The following FIGNL2 variants were observed in gnomAD, a reference collection of about 807,000 sequenced individuals.
The protein encoded by FIGNL2 is fidgetin-like protein 2.
For synonymous variants in FIGNL2, 565 were observed against 484.0 expected (o/e 1.17, Z -2.20); for missense variants, 1,060 against 950.2 (o/e 1.12, Z -1.52).
intron 1 of FIGNL2, among the ~76,000 whole-genome samples, chr12:51,842,310 G>A (rs79714484): frequency 0.012 from 1,808 of 152,288 alleles, 39 homozygotes; most frequent in African/African-American, 0.042. Context: ...CTTCCTAGAG[G>A]AGTGAGGACC....
rs774724849 is a variant in FIGNL2 at position 51,822,438 on chromosome 12, A to T, written c.-11-14T>A. On this transcript the variant is annotated splice_polypyrimidine_tract_variant and intron_variant, in intron 1 of 1. Transcript: ENST00000618634. ...TCTTCAACAGAGCTGCGGGCAAGAG[A>T]CAGGAGGTCTGGTGAGGTCTAGCCA... is the stretch of plus-strand genomic sequence containing the variant. 9 of 1,612,192 alleles carry T rather than the reference A, an allele frequency of 5.6e-6. No individual in the cohort carries two copies. The highest frequency in any genetic ancestry group is 5.9e-6 in the Non-Finnish European group (7 of 1,179,454).
intron 1 of FIGNL2, among the ~76,000 whole-genome samples, chr12:51,839,804 T>C (rs1291376325): frequency 6.6e-6 from 1 of 152,180 alleles, no homozygotes; most frequent in African/African-American, 2.4e-5. Flanking sequence ...CCAGCCCCTG[T>C]CTGTGAGCCC....
In FIGNL2 at chr12:51,820,201, G is replaced by C; in HGVS notation, c.*251C>G. 2.0e-6 allele frequency: 1 copy of C among 506,738 alleles called. No individual in the cohort carries two copies. The highest frequency in any genetic ancestry group is 3.5e-6 in the Non-Finnish European group (1 of 289,320). The allele number at this position is 506,738 out of a possible 1,614,324, so 31.4% of individuals were successfully genotyped here. A position where few individuals can be genotyped will look rare whatever the true frequency, so the allele number is the denominator to read the frequency against. ...CATGCCGGATCTGCCCGGTCTGCCG[G>C]GCGGAGATGGCGAGCTTCCAGTCCA... On this transcript the variant is annotated 3_prime_UTR_variant, in exon 2 of 2. Coordinates refer to ENST00000618634, the MANE Select transcript of FIGNL2 (RefSeq NM_001384995.1).
chr12:51,845,752 C>A, intron 1 of FIGNL2: 1 of 776,032 alleles, frequency 1.3e-6, no homozygotes, highest in Non-Finnish European at 1.6e-6. Context: ...CCTAAGGGTC[C>A]AGCAATGGCA....
At position 51,821,512 on chromosome 12, in the gene FIGNL2, T is replaced by C; in HGVS notation, c.902A>G (p.Asn301Ser). 1 of 1,562,100 alleles carries C rather than the reference T, an allele frequency of 6.4e-7. No individual in the cohort carries two copies. The highest frequency in any genetic ancestry group is 8.6e-7 in the Non-Finnish European group (1 of 1,163,062). The change falls in exon 2 of 2, where the codon AAC becomes AGC. Residue 301 changes from asparagine to serine, a missense_variant. Physicochemically the swap from Asn to Ser is conservative, Grantham distance 46 (BLOSUM62 1). Transcript: ENST00000618634. ...GAACCCGTTGCCCCGACATTCGCCG[T>C]TGTCCGCGGCGGGGTAGGAGGCTCC... The part of the protein sequence containing the change: ...ADGASYPAAD[N>S]GECRGNGFRA...
chr12:51,847,628 C>G (rs1939780136), intron 1 of FIGNL2: 2 of 985,234 alleles, frequency 2.0e-6, no homozygotes, highest in Non-Finnish European at 1.2e-6. Context: ...GCCGCGCGCT[C>G]TCTGCCCCGC....
At chr12:51,837,041 A>C (rs1177451419) in intron 1 of FIGNL2, among the ~76,000 whole-genome samples, 1 of 152,088 alleles carries the variant, frequency 6.6e-6, no homozygotes, top group Non-Finnish European at 1.5e-5. Flanking sequence ...TGAACCGCTC[A>C]ACCTGCAACT....
At chr12:51,848,152 G>C in intron 1 of FIGNL2, 1 of 983,978 alleles carries the variant, frequency 1.0e-6, no homozygotes, top group Non-Finnish European at 1.2e-6. Context: ...GCCGGCCCTC[G>C]GGCTCCGGAC....
intron 1 of FIGNL2, chr12:51,847,324 G>T (rs772182658): frequency 1.0e-6 from 1 of 985,334 alleles, no homozygotes; most frequent in Admixed American, 6.1e-5. Flanking sequence ...AGGCCCCACG[G>T]CCCAGGAACC....
intron 1 of FIGNL2, among the ~76,000 whole-genome samples, chr12:51,832,092 C>A (rs545987869): frequency 3.9e-5 from 6 of 152,308 alleles, no homozygotes; most frequent in African/African-American, 1.4e-4. Flanking sequence ...TCTTGCCTCG[C>A]TGCAACCTCT....
At position 51,822,274 on chromosome 12, in the gene FIGNL2, G is replaced by A. The variant is rs751056628; in HGVS notation, c.140C>T (p.Ala47Val). 2 of 1,611,558 alleles carry A rather than the reference G, an allele frequency of 1.2e-6. No homozygotes were observed. The highest frequency in any genetic ancestry group is 8.5e-7 in the Non-Finnish European group (1 of 1,178,974). Residue 47 changes from alanine (A) to valine (V), a missense_variant, in exon 2 of 2, where the codon GCA becomes GTA. Physicochemically the swap from Ala to Val is moderately conservative, Grantham distance 64. Transcript: ENST00000618634. ...AGTGAGGGCTGAGATGTCGTCGTGT[G>A]CCCAAGCGTAGTGGCAGCGTTGGCG... ...GGRQRCHYAW[A>V]HDDISALTAS...
intron 1 of FIGNL2, among the ~76,000 whole-genome samples, chr12:51,846,100 C>T (rs1218687343): frequency 6.6e-6 from 1 of 152,228 alleles, no homozygotes; most frequent in Non-Finnish European, 1.5e-5. Context: ...TACAAAACCC[C>T]TTTTATTCAG....
intron 1 of FIGNL2, chr12:51,844,882 G>A (rs1939718887): frequency 4.1e-6 from 4 of 985,180 alleles, no homozygotes; most frequent in Non-Finnish European, 3.6e-6. Flanking sequence ...TGGTTCTGGC[G>A]GTCCTACTGC....
intron 1 of FIGNL2, among the ~76,000 whole-genome samples, chr12:51,840,463 C>T (rs1161291904): frequency 3.3e-5 from 5 of 152,196 alleles, no homozygotes; most frequent in South Asian, 2.1e-4. Context: ...TGGCCAGGCA[C>T]GGTGGTTCAC....
At position 51,821,333 on chromosome 12, in the gene FIGNL2, C is replaced by G; in HGVS notation, c.1081G>C (p.Val361Leu). 1 of 1,500,794 alleles carries G rather than the reference C, an allele frequency of 6.7e-7. No individual in the cohort carries two copies. Among genetic ancestry groups the G allele is most frequent in the Non-Finnish European group, 8.8e-7 (1 of 1,130,274 alleles). The allele number at this position is 1,500,794 out of a possible 1,614,324, so 93.0% of individuals were successfully genotyped here. Residue 361 changes from valine (V) to leucine (L), a missense_variant, in exon 2 of 2, where the codon GTG becomes CTG. Physicochemically the swap from Val to Leu is conservative, Grantham distance 32. Coordinates refer to ENST00000618634, the MANE Select transcript of FIGNL2 (RefSeq NM_001384995.1). ...RAPAPRGGFA[V>L]PSGETPKGVD... Reference sequence around the variant, plus strand: ...CCTTTGGGAGTCTCCCCCGACGGCACGGCGAACCCCCCACGAGGAGCCGGG... The same window carrying G: ...CCTTTGGGAGTCTCCCCCGACGGCAGGGCGAACCCCCCACGAGGAGCCGGG...
intron 1 of FIGNL2, among the ~76,000 whole-genome samples, chr12:51,828,693 G>A (rs1939393433): frequency 1.3e-5 from 2 of 152,162 alleles, no homozygotes; most frequent in Non-Finnish European, 2.9e-5. Flanking sequence ...TCCATGCACA[G>A]GGCCTGATGC....
intron 1 of FIGNL2, among the ~76,000 whole-genome samples, chr12:51,832,934 C>A (rs897946437): frequency 6.6e-6 from 1 of 152,234 alleles, no homozygotes; most frequent in African/African-American, 2.4e-5. Flanking sequence ...AGAAACCTTG[C>A]GGTCATCCTT....
chr12:51,822,134 C>G lies in FIGNL2; in HGVS notation c.280G>C (p.Gly94Arg), dbSNP rs768747527. The part of the protein sequence containing the change: ...SDASFLNGAK[G>R]DPEPWPGPEP... ...GGCCCTGGCCAGGGCTCGGGATCCC[C>G]TTTGGCGCCGTTGAGGAAGGAGGCG... The change falls in exon 2 of 2, where the codon GGG becomes CGG. Residue 94 changes from glycine to arginine, a missense_variant. Gly to Arg is a moderately radical substitution (Grantham distance 125). Coordinates refer to ENST00000618634, the MANE Select transcript of FIGNL2 (RefSeq NM_001384995.1). The G allele has an allele frequency of 1.2e-6, 2 of 1,611,126 alleles. No individual in the cohort carries two copies. The highest frequency in any genetic ancestry group is 1.1e-5 in the South Asian group (1 of 90,490).
At position 51,820,297 on chromosome 12, in the gene FIGNL2, G is replaced by C; in HGVS notation, c.*155C>G. 1 of 917,272 alleles carries C rather than the reference G, an allele frequency of 1.1e-6. No individual in the cohort carries two copies. Among genetic ancestry groups the C allele is most frequent in the Non-Finnish European group, 1.5e-6 (1 of 658,816 alleles). 56.8% of individuals were successfully genotyped at this position (917,272 alleles called of 1,614,324 possible). A position where few individuals can be genotyped will look rare whatever the true frequency, so the allele number is the denominator to read the frequency against. Reference sequence around the variant, plus strand: ...CTGGCAGAAGCATTTTCCTTCCCACGAAAAAAAAAATATCCACCGGCAGAC... The same window carrying C: ...CTGGCAGAAGCATTTTCCTTCCCACCAAAAAAAAAATATCCACCGGCAGAC... On this transcript the variant is annotated 3_prime_UTR_variant, in exon 2 of 2. Transcript: ENST00000618634.
Sources: gnomAD v4.1 joint callset for allele counts (sites outside exome capture counted in the v4.1 genomes callset) on GRCh38, gnomAD v4.1.1 for gene constraint, MANE v1.5 for transcripts, NCBI Gene and HGNC (gene_info 2026-07-23, HGNC 2026-07-21) for gene names.